TCERG1: variants seen among roughly 807,000 people sequenced by gnomAD.
TCERG1 encodes TATA box binding protein (TBP)-associated factor, RNA polymerase II, S, 150kD.
A neutral mutation model predicts 144.7 loss-of-function variants in TCERG1; 37 were observed. The ratio of observed to expected loss-of-function variants is 0.26; its 90% CI spans 0.20 to 0.34. The LOEUF is 0.34. Among genes scored for constraint, TCERG1 ranks in the 10% least tolerant of loss-of-function variants. The pLI, the probability that TCERG1 is intolerant of heterozygous loss-of-function variation, is 1.00. For missense variants in TCERG1, 1,027 were observed against 1,380.7 expected (o/e 0.74, Z 4.06); for synonymous variants, 492 against 458.2 (o/e 1.07, Z -0.94).
At chr5:146,460,889 C>T (rs1763276152) in intron 4 of TCERG1, among the ~76,000 whole-genome samples, 1 of 152,172 alleles carries the variant, frequency 6.6e-6, no homozygotes, top group Non-Finnish European at 1.5e-5. Flanking sequence ...AGGTTTAGTG[C>T]TTCCCAAACC....
intron 3 of TCERG1, among the ~76,000 whole-genome samples, chr5:146,457,678 C>T (rs778036087): frequency 1.2e-4 from 19 of 152,224 alleles, no homozygotes; most frequent in Non-Finnish European, 1.9e-4. Flanking sequence ...AAGGGAATGT[C>T]AACCCTCCTG....
At chr5:146,465,172 T>C (rs1273263522) in intron 5 of TCERG1, among the ~76,000 whole-genome samples, 1 of 152,214 alleles carries the variant, frequency 6.6e-6, no homozygotes. Context: ...AGATGGAGAA[T>C]AGCCTGATAT....
intron 21 of TCERG1, among the ~76,000 whole-genome samples, chr5:146,508,720 C>T (rs990536302): frequency 5.9e-5 from 9 of 152,162 alleles, no homozygotes; most frequent in African/African-American, 2.2e-4. Flanking sequence ...TGAGTGTTAA[C>T]CTACAGTTGC....
At chr5:146,474,488 A>T (rs762380800) in intron 9 of TCERG1, among the ~76,000 whole-genome samples, 3 of 152,226 alleles carry the variant, frequency 2.0e-5, no homozygotes, top group Non-Finnish European at 4.4e-5. Context: ...CTTGGTGGAT[A>T]AAGCAGCAGC....
intron 15 of TCERG1, among the ~76,000 whole-genome samples, chr5:146,486,159 G>A (rs1253991194): frequency 6.6e-6 from 1 of 152,188 alleles, no homozygotes; most frequent in Non-Finnish European, 1.5e-5. Context: ...GTGCTAGGTT[G>A]CACATTACAC....
chr5:146,509,060 T>C, intron 21 of TCERG1, 85 bp from the exon 22 acceptor site: 1 of 697,882 alleles, frequency 1.4e-6, no homozygotes, highest in Non-Finnish European at 2.3e-6. Context: ...GACTTACACA[T>C]TACTGTTTAA....
intron 15 of TCERG1, among the ~76,000 whole-genome samples, chr5:146,490,303 G>A (rs1025740038): frequency 5.3e-5 from 8 of 152,162 alleles, no homozygotes; most frequent in Non-Finnish European, 1.2e-4. Flanking sequence ...GACTTGGGAA[G>A]ATGTCGAAGG....
In TCERG1 at chr5:146,504,022, T is replaced by C; in HGVS notation, c.2781+16T>C. 2 of 1,499,846 alleles carry C rather than the reference T, an allele frequency of 1.3e-6. No homozygotes were observed. The highest frequency in any genetic ancestry group is 2.3e-5 in the East Asian group (1 of 42,998). The allele number at this position is 1,499,846 out of a possible 1,614,324, so 92.9% of individuals were successfully genotyped here. A position where few individuals can be genotyped will look rare whatever the true frequency, so the allele number is the denominator to read the frequency against. On this transcript the variant is annotated intron_variant, in intron 19 of 22. Coordinates refer to ENST00000679501, the MANE Select transcript of TCERG1 (RefSeq NM_001382548.1). The stretch of plus-strand genomic sequence containing the variant: ...GTCTGACATGGTATACGTTAATCTT[T>C]TACTTTTTTTCTCTAAAGTACTGGA...
intron 16 of TCERG1, among the ~76,000 whole-genome samples, chr5:146,498,243 C>T (rs893379557): frequency 5.9e-5 from 9 of 151,722 alleles, no homozygotes; most frequent in African/African-American, 2.2e-4. Flanking sequence ...AATTGATGAG[C>T]TCTTGTCTCT....
intron 18 of TCERG1, 100 bp downstream of exon 18, chr5:146,503,639 A>T: frequency 6.9e-7 from 1 of 1,455,094 alleles, no homozygotes; most frequent in East Asian, 2.3e-5. Context: ...GGGGGTTTGG[A>T]TTTTTTCTTG....
rs1289416773 is a variant in TCERG1, at chr5:146,480,086, A to G, written c.1878A>G (p.Lys626=). ...ATGAAGATGAGCCTGTTAAAGCAAA[A>G]AAACGGAAGTAAGTAATACATACGA... ...EINEDEPVKA[K]KRKRMSKKSF... The change falls in exon 12 of 23, where the codon AAA becomes AAG. Residue 626 remains lysine, a synonymous_variant. Transcript: ENST00000679501. 1.3e-6 allele frequency: 2 copies of G among 1,596,132 alleles called. No individual in the cohort carries two copies. Among genetic ancestry groups the G allele is most frequent in the East Asian group, 4.5e-5 (2 of 44,690 alleles).
intron 1 of TCERG1, among the ~76,000 whole-genome samples, chr5:146,450,049 A>G (rs979969714): frequency 2.0e-5 from 3 of 152,232 alleles, no homozygotes; most frequent in African/African-American, 7.2e-5. Context: ...CTGTATAACC[A>G]TGCTGGTATA....
intron 5 of TCERG1, among the ~76,000 whole-genome samples, chr5:146,465,704 T>C (rs1763715343): frequency 6.6e-6 from 1 of 152,144 alleles, no homozygotes; most frequent in Non-Finnish European, 1.5e-5. Context: ...TTGGATAGTC[T>C]AAGATTTCTT....
chr5:146,479,503 AAT>A (rs1372698470), intron 10 of TCERG1, among the ~76,000 whole-genome samples: 1 of 152,182 alleles, frequency 6.6e-6, no homozygotes, highest in East Asian at 1.9e-4. Context: ...ATGTTGAAAC[AAT>A]ATGTGATTTT....
intron 16 of TCERG1, among the ~76,000 whole-genome samples, chr5:146,495,230 A>T (rs1050794694): frequency 1.3e-5 from 2 of 152,148 alleles, no homozygotes; most frequent in East Asian, 1.9e-4. Flanking sequence ...TTTAAAAAAA[A>T]TTTTGGAATA....
intron 9 of TCERG1, among the ~76,000 whole-genome samples, chr5:146,471,946 T>C (rs1366104356): frequency 6.6e-6 from 1 of 152,204 alleles, no homozygotes; most frequent in African/African-American, 2.4e-5. Flanking sequence ...TGGTTTATTT[T>C]GTAGAAAGAA....
intron 1 of TCERG1, among the ~76,000 whole-genome samples, chr5:146,450,722 A>G (rs1019646930): frequency 7.2e-5 from 11 of 152,230 alleles, no homozygotes; most frequent in Admixed American, 2.0e-4. Flanking sequence ...CAGGCTATTC[A>G]AAAAAGGAAA....
chr5:146,448,753 A>G (rs1762111819), intron 1 of TCERG1, among the ~76,000 whole-genome samples: 1 of 152,324 alleles, frequency 6.6e-6, no homozygotes, highest in Middle Eastern at 3.4e-3. Flanking sequence ...TTTAAACTCC[A>G]TATGTATACA....
chr5:146,476,700 A>G (rs1477947677), intron 9 of TCERG1, among the ~76,000 whole-genome samples: 1 of 152,146 alleles, frequency 6.6e-6, no homozygotes, highest in Non-Finnish European at 1.5e-5. Context: ...CTCAATTTGG[A>G]GCTTCGTGGT....
Sources: allele counts gnomAD v4.1 joint callset (sites outside exome capture counted in the v4.1 genomes callset), GRCh38; gene constraint gnomAD v4.1.1; transcripts MANE v1.5; gene names NCBI Gene and HGNC (gene_info 2026-07-23, HGNC 2026-07-21).